ITPR1: variants seen among roughly 807,000 people sequenced by gnomAD.
The protein encoded by ITPR1 is inositol 1,4,5-trisphosphate receptor type 1, also known as inositol 1,4,5-trisphosphate-gated calcium channel ITPR1.
ITPR1 carries 96 observed loss-of-function variants against 318.4 expected under a neutral mutation model. The observed-to-expected ratio is 0.30, with a 90% CI of 0.26 to 0.36. The LOEUF (loss-of-function observed/expected upper bound fraction) is 0.36, where lower values mean the gene tolerates loss of function less well. Among genes scored for constraint, ITPR1 ranks in the 10% least tolerant of loss-of-function variants. ITPR1 has a pLI of 1.00. For missense variants in ITPR1, 2,440 were observed against 3,460.2 expected, an observed-to-expected ratio of 0.71 and a Z score of 7.40; for synonymous variants, 1,312 against 1,289.9, an observed-to-expected ratio of 1.02 and a Z score of -0.37.
At position 4,639,480 on chromosome 3, in the gene ITPR1, G is replaced by A; in HGVS notation, c.366+10G>A. 1.3e-6 allele frequency: 2 copies of A among 1,557,294 alleles called. No individual in the cohort carries two copies. Among genetic ancestry groups the A allele is most frequent in the Middle Eastern group, 1.7e-4 (1 of 5,988 alleles). On this transcript the variant is annotated intron_variant, in intron 6 of 61. Coordinates refer to ENST00000649015, the MANE Select transcript of ITPR1 (RefSeq NM_001378452.1). The stretch of plus-strand genomic sequence containing the variant: ...TGGCAATGTGATCCAGGTAGGTCAA[G>A]GCAGCTCTTCCCTTCTGAAGCTGAA...
Position 4,691,131 on chromosome 3 carries a change from A to C in ITPR1, c.3829-13A>C, listed in dbSNP as rs376427264. ...GACTTGTCCCTGTGCTCTTTTCCTC[A>C]CTCTTGTGCCAGATCCTGGAGGCAG... On this transcript the variant is annotated splice_polypyrimidine_tract_variant and intron_variant, in intron 31 of 61. Transcript: ENST00000649015. The C allele has an allele frequency of 6.3e-7, 1 of 1,584,284 alleles. No individual in the cohort carries two copies. Among genetic ancestry groups the C allele is most frequent in the East Asian group, 2.3e-5 (1 of 44,396 alleles).
chr3:4,619,223 G>T (rs985560839), intron 4 of ITPR1, among the ~76,000 whole-genome samples: 3 of 152,020 alleles, frequency 2.0e-5, no homozygotes, highest in Non-Finnish European at 4.4e-5. Context: ...CTGAAATTTT[G>T]CAATGACATG....
At position 4,807,736 on chromosome 3, in the gene ITPR1, G is replaced by A. The variant is rs2048678169; in HGVS notation, c.7272+1469G>A. On this transcript the variant is annotated intron_variant, in intron 55 of 61. Coordinates refer to ENST00000649015, the MANE Select transcript of ITPR1 (RefSeq NM_001378452.1). Reference sequence around the variant, plus strand: ...ATATTTTGAGGTTTTAGGCAAAGAGGTCTCAGGATATCCTTGTGATTCCCA... The same window carrying A: ...ATATTTTGAGGTTTTAGGCAAAGAGATCTCAGGATATCCTTGTGATTCCCA... 3.9e-5 allele frequency among the ~76,000 whole-genome samples: 6 copies of A among 152,320 alleles called. No homozygotes were observed. In the South Asian group the frequency reaches 1.2e-3, roughly 32 times the overall value.
intron 32 of ITPR1, among the ~76,000 whole-genome samples, chr3:4,692,554 G>C (rs1205343549): frequency 2.6e-5 from 4 of 152,232 alleles, no homozygotes; most frequent in Admixed American, 2.0e-4. Flanking sequence ...ATAAAGGTTA[G>C]TCATTAGTAA....
intron 4 of ITPR1, among the ~76,000 whole-genome samples, chr3:4,556,285 T>C (rs958664518): frequency 4.6e-5 from 7 of 152,144 alleles, no homozygotes; most frequent in African/African-American, 1.4e-4. Context: ...TTTGTTACAA[T>C]TGATGAACCT....
Position 4,673,695 on chromosome 3 carries a change from T to G in ITPR1, c.2456+308T>G, listed in dbSNP as rs1035667833. 5.9e-5 allele frequency among the ~76,000 whole-genome samples: 9 copies of G among 152,050 alleles called. No homozygotes were observed. In the East Asian group the frequency reaches 1.4e-3, roughly 23 times the overall value. On this transcript the variant is annotated intron_variant, in intron 21 of 61. Transcript: ENST00000649015. ...CCTCCCGGGTTCGTGCCATTCTCCT[T>G]CCTCAGCCTCCCAAGTAGCTGGGAC...
At chr3:4,728,711 G>C (rs1416438931) in intron 42 of ITPR1, among the ~76,000 whole-genome samples, 1 of 151,798 alleles carries the variant, frequency 6.6e-6, no homozygotes. Flanking sequence ...TATTTTTTTG[G>C]TACCCATTAA....
chr3:4,572,637 A>G (rs1407860972), intron 4 of ITPR1, among the ~76,000 whole-genome samples: 2 of 152,198 alleles, frequency 1.3e-5, no homozygotes, highest in African/African-American at 2.4e-5. Context: ...TTTTAAGTGT[A>G]AAGTTCAGGA....
chr3:4,594,308 C>T (rs2090623081), intron 4 of ITPR1, among the ~76,000 whole-genome samples: 1 of 152,300 alleles, frequency 6.6e-6, no homozygotes, highest in South Asian at 2.1e-4. Flanking sequence ...TGCCTAAAAT[C>T]CCATCGTGAT....
At position 4,779,256 on chromosome 3, in the gene ITPR1, C is replaced by T. The variant is rs2046667644; in HGVS notation, c.6292-294C>T. Among the ~76,000 whole-genome samples the T allele has an allele frequency of 1.3e-5, 2 of 152,226 alleles. No homozygotes were observed. The highest frequency in any genetic ancestry group is 2.1e-4 in the South Asian group (1 of 4,832). ...ATCCGTAAGCACCCACGTGTAAATTCCCAATTTCTTCTAGGACTTGTACCA... is the reference window on the plus strand; with the variant it reads ...ATCCGTAAGCACCCACGTGTAAATTTCCAATTTCTTCTAGGACTTGTACCA... On this transcript the variant is annotated intron_variant, in intron 48 of 61. Coordinates refer to ENST00000649015, the MANE Select transcript of ITPR1 (RefSeq NM_001378452.1). The surrounding 1 kb of genome is among the most constrained non-coding windows in gnomAD (Gnocchi z 4.0).
At chr3:4,515,896 C>T (rs149910024) in intron 2 of ITPR1, among the ~76,000 whole-genome samples, 15 of 152,250 alleles carry the variant, frequency 9.9e-5, no homozygotes, top group African/African-American at 3.6e-4. Context: ...ATTTGGGTGA[C>T]ATGCGTACAG....
intron 4 of ITPR1, among the ~76,000 whole-genome samples, chr3:4,525,861 C>T (rs2082938363): frequency 6.6e-6 from 1 of 152,164 alleles, no homozygotes; most frequent in South Asian, 2.1e-4. Flanking sequence ...CCCCAGCTCC[C>T]CCGGTGCTAA....
At chr3:4,730,652 T>C (rs1240543835) in intron 42 of ITPR1, among the ~76,000 whole-genome samples, 1 of 152,042 alleles carries the variant, frequency 6.6e-6, no homozygotes, top group Non-Finnish European at 1.5e-5. Flanking sequence ...GATTGCAGAC[T>C]GACCAGGGTC....
intron 4 of ITPR1, among the ~76,000 whole-genome samples, chr3:4,562,591 T>A (rs2086792027): frequency 6.6e-6 from 1 of 151,932 alleles, no homozygotes; most frequent in Non-Finnish European, 1.5e-5. Context: ...ATATCTCAGG[T>A]TTTAGATTTG....
chr3:4,703,718 T>C (rs2094701908), intron 36 of ITPR1, among the ~76,000 whole-genome samples: 1 of 152,214 alleles, frequency 6.6e-6, no homozygotes, highest in Admixed American at 6.5e-5. Flanking sequence ...TCAAGTCAGT[T>C]TGGATATACC....
chr3:4,522,823 T>C (rs2082668748), intron 4 of ITPR1, among the ~76,000 whole-genome samples: 2 of 152,170 alleles, frequency 1.3e-5, no homozygotes, highest in Admixed American at 1.3e-4. Flanking sequence ...CCCTCCTCCC[T>C]AGGAAGAGAT....
At chr3:4,594,629 G>T (rs753159624) in intron 4 of ITPR1, among the ~76,000 whole-genome samples, 2 of 152,186 alleles carry the variant, frequency 1.3e-5, no homozygotes, top group African/African-American at 4.8e-5. Flanking sequence ...GGAAGCAGAA[G>T]AGAGTAAAGG....
At chr3:4,728,820 G>A (rs942371852) in intron 42 of ITPR1, among the ~76,000 whole-genome samples, 8 of 152,158 alleles carry the variant, frequency 5.3e-5, no homozygotes, top group Non-Finnish European at 8.8e-5. Context: ...CCCCTGCCCA[G>A]TCCCACTACA....
rs549811286 is a variant in ITPR1 at position 4,788,121 on chromosome 3, T to A, written c.6790T>A (p.Trp2264Arg). ...RSEDLFNEMN[W>R]QKKLRAQPVL... ...TGAAGACCTCTTCAATGAAATGAAT[T>A]GGCAGAAGAAACTGAGAGGTGGGTT... Residue 2264 changes from tryptophan to arginine, a missense_variant, in exon 52 of 62, where the codon TGG becomes AGG. This residue lies in a region of ITPR1 where 115 missense variants were observed against 204.5 expected (regional missense o/e 0.56). Coordinates refer to ENST00000649015, the MANE Select transcript of ITPR1 (RefSeq NM_001378452.1). The A allele has an allele frequency of 6.2e-7, 1 of 1,604,038 alleles. No homozygotes were observed.
Sources: gnomAD v4.1 joint callset for allele counts (sites outside exome capture counted in the v4.1 genomes callset) on GRCh38, gnomAD v4.1.1 for gene constraint, gnomAD v4.1.1 regional missense constraint, Gnocchi (gnomAD v3.1) non-coding constraint, MANE v1.5 for transcripts, NCBI Gene and HGNC (gene_info 2026-07-23, HGNC 2026-07-21) for gene names.